Variants in TAFA4 observed in about 807,000 individuals in gnomAD.
TAFA4 encodes the protein chemokine-like protein TAFA-4.
In TAFA4, 20 loss-of-function variants were observed where a neutral mutation model predicts 21.1. The ratio of observed to expected loss-of-function variants is 0.95; its 90% CI spans 0.67 to 1.38. The LOEUF is 1.38. TAFA4 is among the 40% of genes most tolerant of loss of function. The pLI is 0.00. For missense variants in TAFA4, 211 were observed against 180.9 expected (o/e 1.17, Z -0.95); for synonymous variants, 71 against 67.4 (o/e 1.05, Z -0.26).
At chr3:68,812,334 T>C (rs1367670545) in intron 3 of TAFA4, among the ~76,000 whole-genome samples, 1 of 152,142 alleles carries the variant, frequency 6.6e-6, no homozygotes, top group East Asian at 1.9e-4. Context: ...ATATTAACCT[T>C]AAATGTAAGT....
chr3:68,783,661 GACAC>G (rs10533885), intron 3 of TAFA4, among the ~76,000 whole-genome samples: 17,472 of 106,522 alleles, frequency 0.16, 1,887 homozygotes, highest in East Asian at 0.46. Context: ...AAAAATCACA[GACAC>G]ACACACACAG....
intron 3 of TAFA4, among the ~76,000 whole-genome samples, chr3:68,840,630 T>C (rs1704638878): frequency 6.6e-6 from 1 of 152,176 alleles, no homozygotes; most frequent in South Asian, 2.1e-4. Flanking sequence ...TTTCCTTCAA[T>C]ACCCAAAGAC....
intron 3 of TAFA4, among the ~76,000 whole-genome samples, chr3:68,796,457 G>T (rs1000715241): frequency 6.6e-6 from 1 of 152,060 alleles, no homozygotes. Flanking sequence ...ATGTGGCAGG[G>T]TTGCTACTCA....
intron 3 of TAFA4, among the ~76,000 whole-genome samples, chr3:68,788,835 G>C (rs1703310821): frequency 6.6e-6 from 1 of 151,848 alleles, no homozygotes; most frequent in South Asian, 2.1e-4. Context: ...ATGTCACTCA[G>C]CTGGTCTTGA....
At position 68,799,279 on chromosome 3, in the gene TAFA4, C is replaced by T. The variant is rs941608431; in HGVS notation, c.131-46261G>A. Among the ~76,000 whole-genome samples, 5 of 152,238 alleles carry T rather than the reference C, an allele frequency of 3.3e-5. No individual in the cohort carries two copies. In the South Asian group the frequency reaches 8.3e-4, roughly 25 times the overall value. ...TGGAGGCTGGGAAGTCCAAGATCAA[C>T]GTGTCTGCAGAGGCCCTGATTCCTG... On this transcript the variant is annotated intron_variant, in intron 3 of 5. Coordinates refer to ENST00000295569, the MANE Select transcript of TAFA4 (RefSeq NM_182522.5).
At chr3:68,745,453 A>G (rs570761256) in intron 4 of TAFA4, among the ~76,000 whole-genome samples, 48 of 152,302 alleles carry the variant, frequency 3.2e-4, no homozygotes, top group African/African-American at 8.9e-4. Context: ...ATGCTTCCTG[A>G]CTTATGAAAA....
chr3:68,915,874 A>G (rs909254240), intron 1 of TAFA4, among the ~76,000 whole-genome samples: 6 of 152,252 alleles, frequency 3.9e-5, no homozygotes, highest in Non-Finnish European at 5.9e-5. Flanking sequence ...TGAAGTGAAG[A>G]AAAATTTATA....
chr3:68,824,387 G>A (rs1293511621), intron 3 of TAFA4, among the ~76,000 whole-genome samples: 1 of 152,146 alleles, frequency 6.6e-6, no homozygotes. Flanking sequence ...TGCCCATGTT[G>A]CTTGGCTGTG....
At chr3:68,766,612 C>G (rs1364023683) in intron 3 of TAFA4, among the ~76,000 whole-genome samples, 1 of 149,052 alleles carries the variant, frequency 6.7e-6, no homozygotes, top group African/African-American at 2.5e-5. Flanking sequence ...TGAAAGCAAA[C>G]AGAAAATACT....
chr3:68,849,134 T>C (rs576711206), intron 3 of TAFA4, among the ~76,000 whole-genome samples: 14 of 152,324 alleles, frequency 9.2e-5, no homozygotes, highest in Non-Finnish European at 1.8e-4. Flanking sequence ...GTAAGATCCT[T>C]GCCTAATAAC....
At chr3:68,812,074 A>G (rs186335285) in intron 3 of TAFA4, among the ~76,000 whole-genome samples, 37 of 152,324 alleles carry the variant, frequency 2.4e-4, no homozygotes, top group African/African-American at 8.2e-4. Flanking sequence ...CAGCCAAACT[A>G]AGCTTCATAA....
intron 3 of TAFA4, among the ~76,000 whole-genome samples, chr3:68,827,414 T>C (rs9858460): frequency 0.45 from 68,657 of 151,960 alleles, 16,146 homozygotes; most frequent in African/African-American, 0.55. Context: ...AATGGGACTG[T>C]CGGGTCAAAT....
chr3:68,783,739 A>AAGAC (rs1559519790), intron 3 of TAFA4, among the ~76,000 whole-genome samples: 4 of 149,082 alleles, frequency 2.7e-5, no homozygotes, highest in African/African-American at 9.9e-5. Context: ...GAAAGAAAGA[A>AAGAC]AGAAAGTAAG....
chr3:68,868,712 A>G (rs1689756646), intron 3 of TAFA4, among the ~76,000 whole-genome samples: 1 of 151,960 alleles, frequency 6.6e-6, no homozygotes, highest in African/African-American at 2.4e-5. Context: ...ATGTAAACAA[A>G]CATCCCAAAA....
At chr3:68,809,652 A>C in intron 3 of TAFA4, among the ~76,000 whole-genome samples, 1 of 151,960 alleles carries the variant, frequency 6.6e-6, no homozygotes, top group Admixed American at 6.6e-5. Context: ...AGTGTCATAA[A>C]GCTTTTCCCC....
At position 68,739,709 on chromosome 3, in the gene TAFA4, CCTGT is replaced by C. The variant is rs767598079; in HGVS notation, c.287-514_287-511del. 4.7e-4 allele frequency among the ~76,000 whole-genome samples: 72 copies of C among 152,254 alleles called. No individual in the cohort carries two copies. The Middle Eastern group carries it at 0.01, about 22-fold the overall frequency. On this transcript the variant is annotated intron_variant, in intron 4 of 5. Coordinates refer to ENST00000295569, the MANE Select transcript of TAFA4 (RefSeq NM_182522.5). ...ACTGAGCCACAGAAGAGAATGAAAT[CCTGT>C]CTTTTACAGCACCATGGATGGAACT...
chr3:68,831,848 T>C (rs187893138), intron 3 of TAFA4, among the ~76,000 whole-genome samples: 2 of 152,344 alleles, frequency 1.3e-5, no homozygotes, highest in Admixed American at 1.3e-4. Flanking sequence ...TTTTCTCACA[T>C]AGTCCCATAT....
chr3:68,879,311 G>C (rs555722541), intron 3 of TAFA4, among the ~76,000 whole-genome samples: 6 of 152,190 alleles, frequency 3.9e-5, no homozygotes, highest in African/African-American at 1.4e-4. Context: ...TGGTGATCCT[G>C]AGTTCTCCAT....
At chr3:68,871,332 GAC>G (rs1250626140) in intron 3 of TAFA4, among the ~76,000 whole-genome samples, 1 of 151,904 alleles carries the variant, frequency 6.6e-6, no homozygotes, top group Non-Finnish European at 1.5e-5. Flanking sequence ...TTGGGGAAAG[GAC>G]AGTCTCTTCA....
Sources: gnomAD v4.1 joint callset for allele counts (sites outside exome capture counted in the v4.1 genomes callset) on GRCh38, gnomAD v4.1.1 for gene constraint, MANE v1.5 for transcripts, NCBI Gene and HGNC (gene_info 2026-07-23, HGNC 2026-07-21) for gene names.